The following APEH variants were observed in gnomAD, a reference collection of about 807,000 sequenced individuals.
APEH encodes the protein acylamino-acid-releasing enzyme.
APEH carries 75 observed loss-of-function variants against 102.7 expected under a neutral mutation model. The observed-to-expected ratio is 0.73, with a 90% confidence interval of 0.61 to 0.89. APEH has a LOEUF of 0.89. Ranked by LOEUF, APEH falls within the 40% of genes least tolerant of loss-of-function variation. The probability of loss-of-function intolerance (pLI) is 0.00; values close to 1 mark genes in which losing one functional copy is unlikely to be tolerated. For synonymous variants in APEH, 344 were observed against 362.7 expected, an observed-to-expected ratio of 0.95 and a Z score of 0.59; for missense variants, 863 against 941.2, an observed-to-expected ratio of 0.92 and a Z score of 1.09.
chr3:49,683,279 G>A lies in APEH; in HGVS notation c.2136G>A (p.Val712=). The A allele has an allele frequency of 6.2e-7, 1 of 1,614,030 alleles. No homozygotes were observed. Among genetic ancestry groups the A allele is most frequent in the Middle Eastern group, 1.6e-4 (1 of 6,062 alleles). ...AAAGCACCCACGCATTATCAGAGGTGGAGGTGGAGTCAGACAGCTTCATGA... is the reference window on the plus strand; with the variant it reads ...AAAGCACCCACGCATTATCAGAGGTAGAGGTGGAGTCAGACAGCTTCATGA... ...YPKSTHALSE[V]EVESDSFMNA... The change falls in exon 22 of 22, where the codon GTG becomes GTA. Residue 712 remains valine (V), a synonymous_variant. Transcript: ENST00000296456.
At position 49,675,291 on chromosome 3, in the gene APEH, G is replaced by A. The variant is rs11554252; in HGVS notation, c.254G>A (p.Ser85Asn). Residue 85 changes from serine to asparagine, a missense_variant, in exon 3 of 22, where the codon AGT (serine) becomes AAT (asparagine). Coordinates refer to ENST00000296456, the MANE Select transcript of APEH (RefSeq NM_001640.4). ...SVVFAGPAGNSVETRGELLSR... is the reference protein window; with the variant it reads ...SVVFAGPAGNNVETRGELLSR... ...GTGTTTGCAGGACCTGCAGGCAACA[G>A]TGTGGAGACCCGGGGGGAGTAAGTT... 3.1e-6 allele frequency: 5 copies of A among 1,613,982 alleles called. No homozygotes were observed. In the Admixed American group the frequency reaches 6.7e-5, roughly 22 times the overall value.
At chr3:49,681,861 T>G (rs1468510824) in intron 16 of APEH, 26 bp from the exon 17 acceptor site, 1 of 1,612,226 alleles carries the variant, frequency 6.2e-7, no homozygotes, top group Admixed American at 1.7e-5. Flanking sequence ...TAGCTGGCCC[T>G]TTCACCCTCC....
At chr3:49,673,254 T>G (rs2052857465), upstream of APEH, among the ~76,000 whole-genome samples, 2 of 151,762 alleles carry the variant, frequency 1.3e-5, no homozygotes, top group Non-Finnish European at 2.9e-5. Context: ...CCAGCCAGAC[T>G]CAGGTATATG....
At position 49,683,825 on chromosome 3, in the gene APEH, G is replaced by A; in HGVS notation, c.*483G>A. 1.4e-6 allele frequency: 1 copy of A among 733,842 alleles called. No individual in the cohort carries two copies. The highest frequency in any genetic ancestry group is 2.2e-6 in the Non-Finnish European group (1 of 458,972). 45.5% of individuals were successfully genotyped at this position (733,842 alleles called of 1,614,324 possible). A position where few individuals can be genotyped will look rare whatever the true frequency, so the allele number is the denominator to read the frequency against. On this transcript the variant is annotated 3_prime_UTR_variant, in exon 22 of 22. Transcript: ENST00000296456. ...AAAGTAGTCCCAGGGACATTGCCTT[G>A]GTTGGGGAAGCCCCTAGGCTGGACA...
At chr3:49,681,033 A>C (rs2053294242) in intron 14 of APEH, 68 bp from the exon 15 acceptor site, 1 of 1,502,146 alleles carries the variant, frequency 6.7e-7, no homozygotes, top group African/African-American at 1.4e-5. Flanking sequence ...CCTATTTCCC[A>C]CTGTGGGCAG....
rs765505528 is a variant in APEH, at chr3:49,683,123, C to T, written c.2070C>T (p.Leu690=). 77 of 1,614,002 alleles carry T rather than the reference C, an allele frequency of 4.8e-5. No individual in the cohort carries two copies. The South Asian group carries it at 7.8e-4, about 16-fold the overall frequency. Reference sequence around the variant, plus strand: ...AGGGCATGGAGTATTACCGTGCCCTCAAGACCCGGAATGTGCCTGTTCGGT... The same window carrying T: ...AGGGCATGGAGTATTACCGTGCCCTTAAGACCCGGAATGTGCCTGTTCGGT... The part of the protein sequence containing the change: ...FKQGMEYYRA[L]KTRNVPVRLL... Residue 690 remains leucine, a synonymous_variant, in exon 21 of 22, where the codon CTC becomes CTT. Coordinates refer to ENST00000296456, the MANE Select transcript of APEH (RefSeq NM_001640.4).
At chr3:49,678,316 G>C (rs2053162423) in intron 11 of APEH, among the ~76,000 whole-genome samples, 1 of 152,156 alleles carries the variant, frequency 6.6e-6, no homozygotes, top group Non-Finnish European at 1.5e-5. Flanking sequence ...TCCCAGCTCT[G>C]CCCTAAATTA....
chr3:49,675,591 T>C, intron 3 of APEH, 103 bp from the exon 4 acceptor site: 1 of 1,220,216 alleles, frequency 8.2e-7, no homozygotes, highest in Non-Finnish European at 1.2e-6. Flanking sequence ...GAAGCTGGTG[T>C]GGGGCCAGAG....
In APEH at chr3:49,679,442, C is replaced by T. The variant is rs2053222526; in HGVS notation, c.1159-151C>T. 1.4e-5 allele frequency: 11 copies of T among 773,216 alleles called. No individual in the cohort carries two copies. In the South Asian group the frequency reaches 1.6e-4, roughly 11 times the overall value. 47.9% of individuals were successfully genotyped at this position (773,216 alleles called of 1,614,324 possible). A position where few individuals can be genotyped will look rare whatever the true frequency, so the allele number is the denominator to read the frequency against. On this transcript the variant is annotated intron_variant, in intron 12 of 21. Transcript: ENST00000296456. This position sits in a 1 kb window ranked among gnomAD's most constrained non-coding sequence, Gnocchi z 4.3. ...TGAACCCAGGCCCTCACACTACTCC[C>T]TACTGCACTGAGTAACCATCACCAT...
intron 15 of APEH, among the ~76,000 whole-genome samples, chr3:49,681,445 G>A (rs190548822): frequency 2.7e-4 from 41 of 152,354 alleles, no homozygotes; most frequent in Non-Finnish European, 2.9e-5. Context: ...GCTTCACCAG[G>A]CCAAATCATC....
At chr3:49,677,093 G>T in intron 10 of APEH, 69 bp downstream of exon 10, 1 of 1,602,520 alleles carries the variant, frequency 6.2e-7, no homozygotes. Flanking sequence ...AGAGCTGAAG[G>T]GCCAGTATCA....
chr3:49,680,722 C>A, intron 14 of APEH, 93 bp downstream of exon 14: 1 of 1,183,688 alleles, frequency 8.4e-7, no homozygotes, highest in Non-Finnish European at 1.2e-6. Context: ...TCTGACCTGG[C>A]TGGTCAGCAT....
In APEH at chr3:49,679,488, T is replaced by TG; in HGVS notation, c.1159-103dup. On this transcript the variant is annotated intron_variant, in intron 12 of 21. Coordinates refer to ENST00000296456, the MANE Select transcript of APEH (RefSeq NM_001640.4). The surrounding 1 kb of genome is among the most constrained non-coding windows in gnomAD (Gnocchi z 4.3). ...ACCATAGCTGTCCACAGCCTTGGTCTGGCCAGGGCTCTCCAAGAGGGTAGA... is the reference window on the plus strand; with the variant it reads ...ACCATAGCTGTCCACAGCCTTGGTCTGGGCCAGGGCTCTCCAAGAGGGTAGA... The TG allele has an allele frequency of 8.2e-7, 1 of 1,215,926 alleles. No individual in the cohort carries two copies. The highest frequency in any genetic ancestry group is 1.2e-6 in the Non-Finnish European group (1 of 830,958). 75.3% of individuals were successfully genotyped at this position (1,215,926 alleles called of 1,614,324 possible).
At chr3:49,674,186 A>C (rs111770065), upstream of APEH, 1 of 605,232 alleles carries the variant, frequency 1.7e-6, no homozygotes, top group Non-Finnish European at 2.8e-6. Context: ...CCCTGCTCTC[A>C]CCCACCCAGG....
At position 49,675,872 on chromosome 3, in the gene APEH, A is replaced by G; in HGVS notation, c.367-19A>G. ...GGCTCTGTTAGCGGGCAAACAGCCT[A>G]ATGCCCAGATGTCCTCAGGTCTGGG... On this transcript the variant is annotated intron_variant, in intron 4 of 21. Transcript: ENST00000296456. The G allele has an allele frequency of 1.2e-6, 2 of 1,613,940 alleles. No individual in the cohort carries two copies. The highest frequency in any genetic ancestry group is 2.2e-5 in the South Asian group (2 of 91,076).
Position 49,683,225 on chromosome 3 carries a change from T to G in APEH, c.2094-12T>G. The stretch of plus-strand genomic sequence containing the variant: ...CCCTCCAACCTTAAATGTTGCTGAC[T>G]AATCCCTACAGGCTCCTGCTCTATC... On this transcript the variant is annotated splice_polypyrimidine_tract_variant and intron_variant, in intron 21 of 21. Transcript: ENST00000296456. 1 of 1,612,288 alleles carries G rather than the reference T, an allele frequency of 6.2e-7. No homozygotes were observed. Among genetic ancestry groups the G allele is most frequent in the South Asian group, 1.1e-5 (1 of 91,048 alleles).
upstream of APEH, among the ~76,000 whole-genome samples, chr3:49,673,744 G>A (rs761279439): frequency 6.6e-5 from 10 of 152,288 alleles, no homozygotes; most frequent in African/African-American, 1.4e-4. Context: ...CCTACAGTCA[G>A]CCCCAGAGCC....
At chr3:49,682,971 G>A (rs1042713325) in intron 20 of APEH, 26 bp downstream of exon 20, 3 of 1,611,824 alleles carry the variant, frequency 1.9e-6, no homozygotes, top group African/African-American at 1.3e-5. Flanking sequence ...CTTGCCCTGT[G>A]TGCTGCCCAT....
At chr3:49,674,156 T>C, upstream of APEH, 2 of 545,314 alleles carry the variant, frequency 3.7e-6, no homozygotes, top group Non-Finnish European at 6.4e-6. Flanking sequence ...CCCACTTGGC[T>C]AGTCCGCCCC....
Sources: gnomAD v4.1 joint callset for allele counts (sites outside exome capture counted in the v4.1 genomes callset) on GRCh38, gnomAD v4.1.1 for gene constraint, Gnocchi (gnomAD v3.1) non-coding constraint, MANE v1.5 for transcripts, NCBI Gene and HGNC (gene_info 2026-07-23, HGNC 2026-07-21) for gene names.